Variants in DAB1 observed in about 807,000 individuals in gnomAD.
DAB1 encodes the protein DAB adaptor protein 1.
A neutral mutation model predicts 64.6 loss-of-function variants in DAB1; 15 were observed. The observed-to-expected ratio is 0.23, with a 90% CI of 0.16 to 0.36. The LOEUF (loss-of-function observed/expected upper bound fraction) is 0.36, where lower values mean the gene tolerates loss of function less well. DAB1 is among the 10% of genes least tolerant of loss of function. The probability of loss-of-function intolerance (pLI) is 1.00; values close to 1 mark genes in which losing one functional copy is unlikely to be tolerated. For synonymous variants in DAB1, 235 were observed against 251.9 expected, an observed-to-expected ratio of 0.93 and a Z score of 0.64; for missense variants, 596 against 706.7, an observed-to-expected ratio of 0.84 and a Z score of 1.78.
At chr1:57,580,939 G>C (rs1160983339) in intron 7 of DAB1, among the ~76,000 whole-genome samples, 1 of 152,200 alleles carries the variant, frequency 6.6e-6, no homozygotes, top group Non-Finnish European at 1.5e-5. Flanking sequence ...GTTCAGATAA[G>C]GGTACCTGCC....
chr1:57,939,925 T>C (rs1470142806), intron 5 of DAB1, among the ~76,000 whole-genome samples: 2 of 152,200 alleles, frequency 1.3e-5, no homozygotes, highest in African/African-American at 4.8e-5. Context: ...AAATAAATGT[T>C]GAATGAACAA....
At chr1:58,502,493 T>C (rs1645922146) in intron 3 of DAB1, among the ~76,000 whole-genome samples, 1 of 152,218 alleles carries the variant, frequency 6.6e-6, no homozygotes, top group Admixed American at 6.5e-5. Flanking sequence ...TGCTCTCTAG[T>C]GCTGTATTCT....
At chr1:57,585,784 T>C (rs1264915581) in intron 7 of DAB1, among the ~76,000 whole-genome samples, 1 of 152,226 alleles carries the variant, frequency 6.6e-6, no homozygotes, top group African/African-American at 2.4e-5. Flanking sequence ...TTGATATAAA[T>C]ATGATTACTA....
chr1:57,145,171 A>T, intron 3 of DAB1, 119 bp downstream of exon 3: 1 of 1,009,874 alleles, frequency 9.9e-7, no homozygotes, highest in Non-Finnish European at 1.5e-6. Flanking sequence ...GTGATTCAAC[A>T]GTAAGCCAAG....
At chr1:57,883,459 A>G (rs1644176098) in intron 1 of DAB1, among the ~76,000 whole-genome samples, 1 of 152,244 alleles carries the variant, frequency 6.6e-6, no homozygotes, top group Non-Finnish European at 1.5e-5. Context: ...ATGAAGGGTA[A>G]TAAGGCAGAG....
At position 58,311,767 on chromosome 1, in the gene DAB1, T is replaced by C. The variant is rs146073454; in HGVS notation, n.309+31585A>G. Among the ~76,000 whole-genome samples the C allele has an allele frequency of 5.8e-4, 89 of 152,304 alleles. 1 individual carries two copies. Among genetic ancestry groups the C allele is most frequent in the African/African-American group, 1.7e-3 (72 of 41,562 alleles). On this transcript the variant is annotated intron_variant and non_coding_transcript_variant, in intron 4 of 20. Transcript: ENST00000485760. ...TGCTCCCTGGCCCCTTTATCTTTCA[T>C]AAGTGCTACCCCAGTAAGTCTCTTG...
intron 3 of DAB1, among the ~76,000 whole-genome samples, chr1:58,464,498 A>C (rs1645275323): frequency 6.6e-6 from 1 of 152,178 alleles, no homozygotes; most frequent in Admixed American, 6.5e-5. Flanking sequence ...AAGCAGCATA[A>C]ATAAGATGGG....
chr1:57,118,617 A>G (rs764850213), intron 4 of DAB1, among the ~76,000 whole-genome samples: 2 of 152,210 alleles, frequency 1.3e-5, no homozygotes, highest in Non-Finnish European at 2.9e-5. Context: ...TTTGGAATCT[A>G]GAAGACCCAG....
At chr1:57,567,045 G>A (rs1193278593) in intron 7 of DAB1, among the ~76,000 whole-genome samples, 5 of 152,142 alleles carry the variant, frequency 3.3e-5, no homozygotes, top group African/African-American at 4.8e-5. Context: ...CTGGCAAACT[G>A]AATCCAGCAA....
chr1:57,567,612 A>C (rs969713404), intron 7 of DAB1, among the ~76,000 whole-genome samples: 1 of 152,226 alleles, frequency 6.6e-6, no homozygotes, highest in Non-Finnish European at 1.5e-5. Flanking sequence ...CAAAAATCAC[A>C]TGCATTCTTA....
At position 57,260,996 on chromosome 1, in the gene DAB1, G is replaced by C. The variant is rs373829327; in HGVS notation, c.67+29968C>G. Among the ~76,000 whole-genome samples the C allele has an allele frequency of 6.0e-4, 92 of 152,238 alleles. 1 individual carries two copies. The South Asian group carries it at 0.017, about 27-fold the overall frequency. On this transcript the variant is annotated intron_variant, in intron 2 of 14. Transcript: ENST00000371236. ...CTCTCTGTGCCTCAATTTATCTCCC[G>C]CATTTAATGATAATAGCTGTGTGGA...
intron 1 of DAB1, among the ~76,000 whole-genome samples, chr1:57,863,939 A>T (rs767788545): frequency 3.3e-5 from 5 of 152,192 alleles, no homozygotes; most frequent in Non-Finnish European, 7.3e-5. Context: ...AGACTATTCT[A>T]GATGCCAGAG....
chr1:58,215,407 T>G (rs114882477), intron 4 of DAB1, among the ~76,000 whole-genome samples: 73,487 of 150,386 alleles, frequency 0.49, 20,602 homozygotes, highest in Middle Eastern at 0.67. Context: ...TAGTGTTTTT[T>G]TTTTTTTTTT....
At chr1:58,434,387 G>T (rs1644918444) in intron 3 of DAB1, among the ~76,000 whole-genome samples, 1 of 149,980 alleles carries the variant, frequency 6.7e-6, no homozygotes, top group South Asian at 2.1e-4. Context: ...TTTCCTGAGG[G>T]CGTGGATGTA....
At chr1:57,405,992 C>A (rs1007900371) in intron 1 of DAB1, among the ~76,000 whole-genome samples, 1 of 152,208 alleles carries the variant, frequency 6.6e-6, no homozygotes, top group African/African-American at 2.4e-5. Flanking sequence ...AGTTGCTGGG[C>A]AAACCTTCCC....
chr1:57,075,675 A>G (rs1480773147), intron 4 of DAB1, among the ~76,000 whole-genome samples: 1 of 152,234 alleles, frequency 6.6e-6, no homozygotes, highest in African/African-American at 2.4e-5. Context: ...ATTTATCAGC[A>G]CAATCAAAGA....
At chr1:57,989,632 G>A (rs1482512135) in intron 5 of DAB1, among the ~76,000 whole-genome samples, 5 of 152,142 alleles carry the variant, frequency 3.3e-5, no homozygotes, top group African/African-American at 1.2e-4. Context: ...AATATAGGAA[G>A]GAAGACATTA....
chr1:58,503,493 T>C (rs769405906), intron 3 of DAB1, among the ~76,000 whole-genome samples: 1 of 152,300 alleles, frequency 6.6e-6, no homozygotes, highest in East Asian at 1.9e-4. Flanking sequence ...GCTGCTGATA[T>C]AGAGTGAATG....
intron 5 of DAB1, among the ~76,000 whole-genome samples, chr1:58,018,205 C>G (rs923499221): frequency 6.6e-6 from 1 of 152,034 alleles, no homozygotes; most frequent in Non-Finnish European, 1.5e-5. Flanking sequence ...CTGTCTGTAC[C>G]CTGCCCTTAC....
Sources: allele counts gnomAD v4.1 joint callset (sites outside exome capture counted in the v4.1 genomes callset), GRCh38; gene constraint gnomAD v4.1.1; transcripts MANE v1.5; gene names NCBI Gene and HGNC (gene_info 2026-07-23, HGNC 2026-07-21).